RNF121: variants seen among roughly 807,000 people sequenced by gnomAD.
The protein encoded by RNF121 is E3 ubiquitin ligase RNF121.
Under a neutral mutation model 46.5 loss-of-function variants are expected in RNF121, and 21 were observed. The observed-to-expected ratio is 0.45, with a 90% CI of 0.32 to 0.65. The LOEUF is 0.65. Ranked by LOEUF, RNF121 falls within the 30% of genes least tolerant of loss-of-function variation. The pLI, the probability that RNF121 is intolerant of heterozygous loss-of-function variation, is 0.04. For synonymous variants in RNF121, 139 were observed against 144.7 expected (o/e 0.96, Z 0.28); for missense variants, 346 against 416.0 (o/e 0.83, Z 1.46).
chr11:71,945,261 T>G (rs1214289225), intron 1 of RNF121, among the ~76,000 whole-genome samples: 1 of 152,212 alleles, frequency 6.6e-6, no homozygotes, highest in East Asian at 1.9e-4. Context: ...AGTGTTGAGA[T>G]TACAGGCATG....
intron 3 of RNF121, among the ~76,000 whole-genome samples, chr11:71,980,703 A>G (rs1318837828): frequency 2.0e-5 from 3 of 152,184 alleles, no homozygotes; most frequent in Non-Finnish European, 4.4e-5. Flanking sequence ...GCTACAGACA[A>G]CTAAACACTA....
chr11:71,964,182 T>C (rs1213370275), intron 3 of RNF121, among the ~76,000 whole-genome samples: 1 of 152,138 alleles, frequency 6.6e-6, no homozygotes, highest in African/African-American at 2.4e-5. Context: ...CTTTAATCTC[T>C]TTCATCAATG....
intron 3 of RNF121, among the ~76,000 whole-genome samples, chr11:71,972,437 T>G (rs1288827661): frequency 1.3e-5 from 2 of 152,194 alleles, no homozygotes; most frequent in Admixed American, 6.5e-5. Flanking sequence ...TCTTTCAAAC[T>G]GAATGAAACT....
intron 3 of RNF121, among the ~76,000 whole-genome samples, chr11:71,978,827 A>G (rs868656041): frequency 1.3e-5 from 2 of 152,222 alleles, no homozygotes. Flanking sequence ...AGAGAACTGA[A>G]GCTTTTCAGA....
intron 1 of RNF121, among the ~76,000 whole-genome samples, chr11:71,934,078 A>C (rs1202879647): frequency 2.0e-5 from 3 of 151,880 alleles, no homozygotes; most frequent in Admixed American, 6.6e-5. Flanking sequence ...TGCCTTTTGA[A>C]ATTCCACCTG....
intron 6 of RNF121, among the ~76,000 whole-genome samples, chr11:71,994,356 G>T (rs1386223813): frequency 6.6e-6 from 1 of 152,110 alleles, no homozygotes; most frequent in East Asian, 1.9e-4. Context: ...TGGAACCATA[G>T]TCTGGCGACA....
At chr11:71,994,914 G>C in intron 7 of RNF121, 62 bp downstream of exon 7, 3 of 1,606,198 alleles carry the variant, frequency 1.9e-6, no homozygotes, top group Admixed American at 3.3e-5. Flanking sequence ...TAGTGAGAGA[G>C]AGAAAGAGGG....
At chr11:71,951,638 T>TGAAA (rs1953884738) in intron 1 of RNF121, among the ~76,000 whole-genome samples, 1 of 116,032 alleles carries the variant, frequency 8.6e-6, no homozygotes, top group Non-Finnish European at 1.8e-5. Flanking sequence ...CCCTGTCTCT[T>TGAAA]AAAAAAAAAA....
chr11:71,948,353 T>G (rs1348019485), intron 1 of RNF121, among the ~76,000 whole-genome samples: 2 of 151,748 alleles, frequency 1.3e-5, no homozygotes, highest in East Asian at 3.9e-4. Context: ...CCATCTTTAC[T>G]AAACGTACAA....
chr11:71,956,045 T>G (rs190088567), intron 1 of RNF121, among the ~76,000 whole-genome samples: 132 of 152,318 alleles, frequency 8.7e-4, no homozygotes, highest in Admixed American at 1.5e-3. Context: ...TACACATACA[T>G]AAAGGATGCC....
intron 1 of RNF121, among the ~76,000 whole-genome samples, chr11:71,956,775 G>A (rs990324544): frequency 4.6e-5 from 7 of 152,176 alleles, no homozygotes; most frequent in Non-Finnish European, 2.9e-5. Flanking sequence ...TGCCTGGAAT[G>A]TATTTCTCTT....
At chr11:71,964,924 A>AT (rs1393414666) in intron 3 of RNF121, among the ~76,000 whole-genome samples, 1 of 152,190 alleles carries the variant, frequency 6.6e-6, no homozygotes, top group African/African-American at 2.4e-5. Context: ...ATTACCCACA[A>AT]GAGGTAAAGG....
intron 1 of RNF121, among the ~76,000 whole-genome samples, chr11:71,949,805 G>A (rs1397506928): frequency 6.6e-6 from 1 of 151,596 alleles, no homozygotes; most frequent in Non-Finnish European, 1.5e-5. Flanking sequence ...GACCACCCTG[G>A]CTAAGATGGT....
intron 3 of RNF121, among the ~76,000 whole-genome samples, chr11:71,980,495 C>G (rs1199207633): frequency 6.6e-6 from 1 of 152,046 alleles, no homozygotes; most frequent in African/African-American, 2.4e-5. Context: ...TATGGGTGCC[C>G]GCCACCATGC....
intron 1 of RNF121, among the ~76,000 whole-genome samples, chr11:71,950,683 T>TG (rs959088410): frequency 1.3e-5 from 2 of 151,958 alleles, no homozygotes; most frequent in Non-Finnish European, 2.9e-5. Context: ...GGCGGAGTCT[T>TG]GCTCTGTCTC....
At chr11:71,929,148 A>C (rs1378458907) in intron 1 of RNF121, 24 bp downstream of exon 1, 1 of 1,548,678 alleles carries the variant, frequency 6.5e-7, no homozygotes, top group East Asian at 2.4e-5. Flanking sequence ...AGAGACGAGG[A>C]GAGACTCAAC....
chr11:71,967,440 T>C (rs966782436), intron 3 of RNF121, among the ~76,000 whole-genome samples: 1 of 148,588 alleles, frequency 6.7e-6, no homozygotes, highest in African/African-American at 2.5e-5. Context: ...ATCTCTGCCT[T>C]CTGGGTTCAA....
At chr11:71,963,450 G>A (rs779922569) in intron 3 of RNF121, among the ~76,000 whole-genome samples, 6 of 151,972 alleles carry the variant, frequency 3.9e-5, no homozygotes, top group Non-Finnish European at 7.4e-5. Context: ...GTGAAACCCC[G>A]TCTCTAATAA....
chr11:71,992,258 T>C (rs1954878716), intron 6 of RNF121, among the ~76,000 whole-genome samples: 1 of 152,234 alleles, frequency 6.6e-6, no homozygotes, highest in African/African-American at 2.4e-5. Flanking sequence ...TGAACTCTTA[T>C]TCCTTGATTT....
Sources: gnomAD v4.1 joint callset for allele counts (sites outside exome capture counted in the v4.1 genomes callset) on GRCh38, gnomAD v4.1.1 for gene constraint, MANE v1.5 for transcripts, NCBI Gene and HGNC (gene_info 2026-07-23, HGNC 2026-07-21) for gene names.